Variants in SLC28A3 observed in about 807,000 individuals in gnomAD.
SLC28A3 encodes the protein concentrative Na(+)-nucleoside cotransporter 3.
In SLC28A3, 68 loss-of-function variants were observed where a neutral mutation model predicts 84.2. The ratio of observed to expected loss-of-function variants is 0.81; its 90% CI spans 0.66 to 0.99. The LOEUF is 0.99. Among genes scored for constraint, SLC28A3 ranks in the 50% least tolerant of loss-of-function variants. The pLI is 0.00. For missense variants in SLC28A3, 712 were observed against 841.5 expected (o/e 0.85, Z 1.90); for synonymous variants, 267 against 303.6 (o/e 0.88, Z 1.25).
intron 1 of SLC28A3, among the ~76,000 whole-genome samples, chr9:84,335,059 CGCTCATATCTATGCT>C (rs1317728985): frequency 1.3e-5 from 2 of 152,114 alleles, no homozygotes; most frequent in African/African-American, 4.8e-5. Flanking sequence ...GTCTTATCCG[CGCTCATATCTATGCT>C]AACAGCTCCC....
chr9:84,327,115 C>T (rs1826591258), intron 1 of SLC28A3, among the ~76,000 whole-genome samples: 2 of 152,142 alleles, frequency 1.3e-5, no homozygotes, highest in African/African-American at 4.8e-5. Context: ...GAGGGCATCT[C>T]TCTTGGGACC....
chr9:84,299,789 G>A (rs1475698138), intron 5 of SLC28A3, 64 bp from the exon 6 acceptor site: 18 of 1,514,034 alleles, frequency 1.2e-5, no homozygotes, highest in Non-Finnish European at 1.6e-5. Flanking sequence ...TCATAATCAG[G>A]CTTAATTTTT....
chr9:84,318,704 A>T (rs1235063942), intron 1 of SLC28A3, among the ~76,000 whole-genome samples: 1 of 151,694 alleles, frequency 6.6e-6, no homozygotes, highest in Non-Finnish European at 1.5e-5. Context: ...CCCCATCTCT[A>T]CTAAAAATAC....
rs1827131449 is a variant in SLC28A3, at chr9:84,340,653, G to A, written c.-20C>T. On this transcript the variant is annotated 5_prime_UTR_variant, in exon 1 of 18. Transcript: ENST00000376238. ...CTCCATGCTCTTTTTGCTGCTGGCT[G>A]GCTCTGGTCTGGAGGTCCTTTGTAC... The A allele has an allele frequency of 6.2e-7, 1 of 1,614,126 alleles. No individual in the cohort carries two copies.
At chr9:84,294,431 C>T (rs1016717065) in intron 8 of SLC28A3, among the ~76,000 whole-genome samples, 156 bp from the exon 9 acceptor site, 4 of 152,206 alleles carry the variant, frequency 2.6e-5, no homozygotes, top group South Asian at 2.1e-4. Flanking sequence ...TCCCTATCTA[C>T]AGTCTTTTAT....
intron 5 of SLC28A3, among the ~76,000 whole-genome samples, chr9:84,300,660 C>T (rs1349161112): frequency 1.3e-5 from 2 of 152,188 alleles, no homozygotes; most frequent in Non-Finnish European, 2.9e-5. Flanking sequence ...GTCTTGGGTC[C>T]TGCTCAGGGG....
intron 1 of SLC28A3, among the ~76,000 whole-genome samples, chr9:84,329,526 C>T (rs567409787): frequency 9.2e-5 from 14 of 152,258 alleles, no homozygotes; most frequent in Admixed American, 9.2e-4. Context: ...TCCCCAACCA[C>T]AATTTGGGGA....
At chr9:84,356,847 A>T in the SLC28A3 span, among the ~76,000 whole-genome samples, 1 of 150,318 alleles carries the variant, frequency 6.7e-6, no homozygotes, top group Non-Finnish European at 1.5e-5. Flanking sequence ...ATAAATAAAT[A>T]AAATAAAATA....
At chr9:84,337,408 ACCTT>A (rs1254545327) in intron 1 of SLC28A3, among the ~76,000 whole-genome samples, 1 of 151,298 alleles carries the variant, frequency 6.6e-6, no homozygotes, top group Non-Finnish European at 1.5e-5. Flanking sequence ...CCTGCTTAGA[ACCTT>A]GAGGCCTGGG....
intron 2 of SLC28A3, among the ~76,000 whole-genome samples, chr9:84,312,814 C>T (rs967361928): frequency 6.6e-6 from 1 of 152,160 alleles, no homozygotes; most frequent in Admixed American, 6.5e-5. Context: ...GCTGGGATTA[C>T]AGGCATAAGC....
intron 1 of SLC28A3, among the ~76,000 whole-genome samples, chr9:84,338,385 T>C (rs904019518): frequency 2.0e-5 from 3 of 152,250 alleles, no homozygotes; most frequent in Admixed American, 1.3e-4. Context: ...CTCATACTTA[T>C]TAACTTGGCA....
Position 84,313,352 on chromosome 9 carries a change from G to A in SLC28A3, c.156+7C>T. ...TACTAGAGTCATGCACCACAGTCTTGCTGTACCTGTTTGGTGTTTGTGTGC... is the reference window on the plus strand; with the variant it reads ...TACTAGAGTCATGCACCACAGTCTTACTGTACCTGTTTGGTGTTTGTGTGC... On this transcript the variant is annotated splice_region_variant and intron_variant, in intron 2 of 17. Transcript: ENST00000376238. The A allele has an allele frequency of 1.2e-6, 2 of 1,613,510 alleles. No individual in the cohort carries two copies. The highest frequency in any genetic ancestry group is 1.7e-6 in the Non-Finnish European group (2 of 1,179,606).
chr9:84,309,543 A>G (rs112270592), intron 3 of SLC28A3, 86 bp downstream of exon 3: 3 of 841,550 alleles, frequency 3.6e-6, no homozygotes, highest in African/African-American at 3.7e-5. Flanking sequence ...AAAAAAAAAA[A>G]AAAAAGAAAT....
chr9:84,284,102 G>A (rs139309752), intron 14 of SLC28A3, among the ~76,000 whole-genome samples: 36 of 152,258 alleles, frequency 2.4e-4, no homozygotes, highest in African/African-American at 7.5e-4. Flanking sequence ...CTGCCAGAAC[G>A]CAGAGCCCGG....
At chr9:84,341,441 C>T (rs957172908), upstream of SLC28A3, among the ~76,000 whole-genome samples, 7 of 152,104 alleles carry the variant, frequency 4.6e-5, no homozygotes, top group African/African-American at 1.7e-4. Context: ...TGGATAGATA[C>T]ATAGACAGAT....
the SLC28A3 span, among the ~76,000 whole-genome samples, chr9:84,362,173 C>T: frequency 6.6e-6 from 1 of 152,008 alleles, no homozygotes; most frequent in Non-Finnish European, 1.5e-5. Flanking sequence ...ATCTAGAGTT[C>T]GAACTTTAAC....
chr9:84,285,101 TA>T (rs1421751709), intron 14 of SLC28A3, among the ~76,000 whole-genome samples: 2 of 152,130 alleles, frequency 1.3e-5, no homozygotes, highest in African/African-American at 4.8e-5. Flanking sequence ...TCCTCAAAAG[TA>T]GATGATTATA....
chr9:84,302,468 C>T, intron 4 of SLC28A3, 79 bp from the exon 5 acceptor site: 1 of 1,418,032 alleles, frequency 7.1e-7, no homozygotes, highest in Non-Finnish European at 9.7e-7. Flanking sequence ...TGTTCTGGCG[C>T]AGGTGAGGGG....
intron 5 of SLC28A3, among the ~76,000 whole-genome samples, chr9:84,301,975 G>A (rs979832833): frequency 6.6e-6 from 1 of 152,142 alleles, no homozygotes; most frequent in South Asian, 2.1e-4. Flanking sequence ...TTGACATTAA[G>A]GCAGTTTGTG....
Sources: gnomAD v4.1 joint callset for allele counts (sites outside exome capture counted in the v4.1 genomes callset) on GRCh38, gnomAD v4.1.1 for gene constraint, MANE v1.5 for transcripts, NCBI Gene and HGNC (gene_info 2026-07-23, HGNC 2026-07-21) for gene names.